RHBDF2: variants seen among roughly 807,000 people sequenced by gnomAD.
The protein encoded by RHBDF2 is rhomboid 5 homolog 2, also known as inactive rhomboid protein 2.
Under a neutral mutation model 95.2 loss-of-function variants are expected in RHBDF2, and 38 were observed. That is an observed-to-expected ratio of 0.40 (90% CI 0.31 to 0.52). RHBDF2 has a LOEUF of 0.52. RHBDF2 is among the 20% of genes least tolerant of loss of function. RHBDF2 has a pLI of 0.56. For missense variants in RHBDF2, 863 were observed against 1,137.7 expected (o/e 0.76, Z 3.47); for synonymous variants, 442 against 462.0 (o/e 0.96, Z 0.55).
At chr17:76,482,891 T>C (rs7209575) in intron 2 of RHBDF2, among the ~76,000 whole-genome samples, 90,262 of 150,628 alleles carry the variant, frequency 0.6, 27,408 homozygotes, top group Middle Eastern at 0.75. Flanking sequence ...ATCACACAGC[T>C]GTGTGTGGTG....
At chr17:76,484,883 G>A (rs147288131) in intron 2 of RHBDF2, among the ~76,000 whole-genome samples, 5,208 of 152,270 alleles carry the variant, frequency 0.034, 124 homozygotes, top group Non-Finnish European at 0.047. Context: ...ATTTGCTGTC[G>A]GGTTAGTCAC....
chr17:76,495,296 C>T (rs776422478), intron 1 of RHBDF2, among the ~76,000 whole-genome samples: 15 of 152,192 alleles, frequency 9.9e-5, no homozygotes, highest in Non-Finnish European at 2.1e-4. Flanking sequence ...AGGCCATTTC[C>T]GTTTGTGACT....
intron 18 of RHBDF2, chr17:76,472,482 G>A (rs1242339188): frequency 8.7e-6 from 6 of 687,110 alleles, no homozygotes; most frequent in South Asian, 1.7e-5. Flanking sequence ...GCGGTGGAGG[G>A]ACAGGGTGAC....
intron 2 of RHBDF2, among the ~76,000 whole-genome samples, chr17:76,486,122 T>A (rs2074123060): frequency 7.1e-6 from 1 of 141,424 alleles, no homozygotes; most frequent in Non-Finnish European, 1.5e-5. Flanking sequence ...ACACATATAG[T>A]TTTTGAGACA....
intron 7 of RHBDF2, 55 bp downstream of exon 7, chr17:76,477,602 A>G: frequency 1.3e-6 from 2 of 1,582,096 alleles, no homozygotes; most frequent in Non-Finnish European, 1.7e-6. Context: ...AGGTCACCTC[A>G]CCCAGCTCCC....
At chr17:76,477,533 C>T in intron 7 of RHBDF2, 124 bp downstream of exon 7, 1 of 1,216,096 alleles carries the variant, frequency 8.2e-7, no homozygotes, top group South Asian at 1.4e-5. Context: ...TAGGACCATG[C>T]CACATCCCAG....
At chr17:76,475,855 T>A (rs925083080) in intron 9 of RHBDF2, 1 of 152,066 alleles carries the variant, frequency 6.6e-6, no homozygotes, top group Non-Finnish European at 1.5e-5. Flanking sequence ...GTGCTGGGAT[T>A]ACAGGTGTGA....
intron 1 of RHBDF2, among the ~76,000 whole-genome samples, chr17:76,500,178 C>A (rs762457810): frequency 5.3e-5 from 8 of 152,132 alleles, no homozygotes; most frequent in Non-Finnish European, 1.0e-4. Context: ...CTCAGCACAG[C>A]CCAACACCTT....
intron 13 of RHBDF2, 51 bp downstream of exon 13, chr17:76,473,977 CTCAGA>C (rs1315092277): frequency 6.2e-7 from 1 of 1,601,154 alleles, no homozygotes; most frequent in African/African-American, 1.3e-5. Flanking sequence ...CTGTGGGTGG[CTCAGA>C]TGGCATGGCT....
At position 76,477,169 on chromosome 17, in the gene RHBDF2, C is replaced by T. The variant is rs2073799555; in HGVS notation, c.920+11G>A. ...GCTGGCCTGGAGGAGGGACTCTGCCCCAGCACTCACAGAGGGATTTGCACC... is the reference window on the plus strand; with the variant it reads ...GCTGGCCTGGAGGAGGGACTCTGCCTCAGCACTCACAGAGGGATTTGCACC... On this transcript the variant is annotated intron_variant, in intron 8 of 18. Transcript: ENST00000675367. 6.2e-7 allele frequency: 1 copy of T among 1,611,606 alleles called. No individual in the cohort carries two copies. Among genetic ancestry groups the T allele is most frequent in the Admixed American group, 1.7e-5 (1 of 59,504 alleles).
intron 2 of RHBDF2, chr17:76,481,847 G>A (rs1020236516): frequency 2.2e-5 from 5 of 227,036 alleles, no homozygotes; most frequent in Non-Finnish European, 4.5e-5. Context: ...CCAGCTACTC[G>A]GGAGGCTGAG....
chr17:76,500,414 C>T (rs1308156316), intron 1 of RHBDF2, among the ~76,000 whole-genome samples: 1 of 152,192 alleles, frequency 6.6e-6, no homozygotes, highest in Non-Finnish European at 1.5e-5. Context: ...ACTGCCTGCC[C>T]TACGGACAGT....
Position 76,476,992 on chromosome 17 carries a change from G to A in RHBDF2, c.953C>T (p.Pro318Leu). Residue 318 changes from proline (P) to leucine (L), a missense_variant, in exon 9 of 19, where the codon CCC (proline) becomes CTC (leucine). Physicochemically the swap from Pro to Leu is moderately conservative, Grantham distance 98. This residue lies in a region of RHBDF2 where 611 missense variants were observed against 725.5 expected (regional missense o/e 0.84). Transcript: ENST00000675367. ...GGAGGCGATGCGCTTGCCGCGCCGG[G>A]GCCCGGGGACTGGGGCTCGGCCATA... ...KEYGRAPVPG[P>L]RRGKRIASKV... 6.2e-7 allele frequency: 1 copy of A among 1,613,884 alleles called. No homozygotes were observed. Among genetic ancestry groups the A allele is most frequent in the South Asian group, 1.1e-5 (1 of 91,074 alleles).
At chr17:76,500,544 C>A (rs1384659330) in intron 1 of RHBDF2, among the ~76,000 whole-genome samples, 1 of 152,176 alleles carries the variant, frequency 6.6e-6, no homozygotes, top group Non-Finnish European at 1.5e-5. Flanking sequence ...CAGCTCCCCA[C>A]CGCCTTCTGC....
intron 4 of RHBDF2, chr17:76,479,511 C>T (rs1359359595): frequency 1.3e-6 from 1 of 758,580 alleles, no homozygotes; most frequent in African/African-American, 1.7e-5. Flanking sequence ...ATCCACCCAG[C>T]TCCTCGAAGC....
intron 2 of RHBDF2, chr17:76,482,000 CACAA>C (rs200457314): frequency 0.098 from 4,390 of 44,668 alleles, 168 homozygotes; most frequent in Middle Eastern, 0.27. Flanking sequence ...CACACACACA[CACAA>C]AACCAAAAAC....
In RHBDF2 at chr17:76,492,187, T is replaced by C. The variant is rs574168288; in HGVS notation, c.-219-4278A>G. On this transcript the variant is annotated intron_variant, in intron 1 of 18. Transcript: ENST00000675367. ...GGGTGGGACAGACTCTATTTCCTCC[T>C]CCTTTAGGGTGGGGCGGGGGAAATC... 3.3e-5 allele frequency among the ~76,000 whole-genome samples: 5 copies of C among 152,160 alleles called. No homozygotes were observed. The South Asian group carries it at 1.0e-3, about 32-fold the overall frequency.
Position 76,500,206 on chromosome 17 carries a change from G to A in RHBDF2, c.-220+1147C>T, listed in dbSNP as rs1250810668. ...AACACCTTGGGCTGGATAATTCCTC[G>A]TTATGTGGGCTGTTCCGTGCCCTGA... is the stretch of plus-strand genomic sequence containing the variant. On this transcript the variant is annotated intron_variant, in intron 1 of 18. Coordinates refer to ENST00000675367, the MANE Select transcript of RHBDF2 (RefSeq NM_001005498.4). Among the ~76,000 whole-genome samples, 3 of 152,086 alleles carry A rather than the reference G, an allele frequency of 2.0e-5. No individual in the cohort carries two copies. The East Asian group carries it at 5.8e-4, about 29-fold the overall frequency.
Position 76,474,247 on chromosome 17 carries a change from C to T in RHBDF2, c.1465-105G>A. 1.2e-5 allele frequency: 16 copies of T among 1,352,484 alleles called. 1 individual carries two copies. The South Asian group carries it at 2.0e-4, about 17-fold the overall frequency. 83.8% of individuals were successfully genotyped at this position (1,352,484 alleles called of 1,614,324 possible). On this transcript the variant is annotated intron_variant, in intron 12 of 18. Transcript: ENST00000675367. ...CCATCTCCCCAGGGCTCAGTCTCAT[C>T]TATGGGGGTCTGGGAAAGGTGGGGC...
Sources: gnomAD v4.1 joint callset for allele counts (sites outside exome capture counted in the v4.1 genomes callset) on GRCh38, gnomAD v4.1.1 for gene constraint, gnomAD v4.1.1 regional missense constraint, MANE v1.5 for transcripts, NCBI Gene and HGNC (gene_info 2026-07-23, HGNC 2026-07-21) for gene names.